ZNF704: variants seen among roughly 807,000 people sequenced by gnomAD.
The protein encoded by ZNF704 is glucocorticoid induced gene 1.
In ZNF704, 10 loss-of-function variants were observed where a neutral mutation model predicts 44.7. The ratio of observed to expected loss-of-function variants is 0.22; its 90% CI spans 0.14 to 0.38. The LOEUF is 0.38. Among genes scored for constraint, ZNF704 ranks in the 10% least tolerant of loss-of-function variants. The pLI, the probability that ZNF704 is intolerant of heterozygous loss-of-function variation, is 1.00. For synonymous variants in ZNF704, 211 were observed against 207.6 expected (o/e 1.02, Z -0.14); for missense variants, 390 against 545.5 (o/e 0.71, Z 2.84).
chr8:80,840,311 G>A (rs186245902), intron 1 of ZNF704, among the ~76,000 whole-genome samples: 2 of 150,758 alleles, frequency 1.3e-5, no homozygotes, highest in African/African-American at 4.9e-5. Flanking sequence ...AATTGTGTGC[G>A]TGTGTGTGTG....
At chr8:80,790,033 T>C (rs1241072461) in intron 2 of ZNF704, among the ~76,000 whole-genome samples, 2 of 152,122 alleles carry the variant, frequency 1.3e-5, no homozygotes, top group Non-Finnish European at 2.9e-5. Context: ...TGGGAAAAGA[T>C]TGGTGTGGAA....
intron 1 of ZNF704, among the ~76,000 whole-genome samples, chr8:80,841,535 A>C (rs549482019): frequency 6.6e-6 from 1 of 152,256 alleles, no homozygotes; most frequent in Admixed American, 6.5e-5. Flanking sequence ...TTCACTCTTA[A>C]CTTGTAAGAA....
At chr8:80,688,836 G>A (rs1406955080) in intron 3 of ZNF704, among the ~76,000 whole-genome samples, 1 of 152,008 alleles carries the variant, frequency 6.6e-6, no homozygotes, top group African/African-American at 2.4e-5. Flanking sequence ...GTGCGTGCCT[G>A]TAATCCCAGC....
intron 2 of ZNF704, among the ~76,000 whole-genome samples, chr8:80,802,494 A>T (rs2129799416): frequency 6.6e-6 from 1 of 152,324 alleles, no homozygotes; most frequent in Middle Eastern, 3.4e-3. Context: ...ATCCACCACA[A>T]TCAAGTTGGC....
chr8:80,823,997 T>C (rs1470784753), intron 1 of ZNF704, among the ~76,000 whole-genome samples: 1 of 152,086 alleles, frequency 6.6e-6, no homozygotes, highest in Non-Finnish European at 1.5e-5. Context: ...AGCTGAAAAT[T>C]CTAAAAATCA....
At chr8:80,727,078 A>G (rs987572522) in intron 2 of ZNF704, among the ~76,000 whole-genome samples, 2 of 152,200 alleles carry the variant, frequency 1.3e-5, no homozygotes, top group Non-Finnish European at 2.9e-5. Context: ...ACACAATTCC[A>G]TCATAATGAT....
Position 80,659,663 on chromosome 8 carries a change from T to A in ZNF704, c.954A>T (p.Gly318=). ...TGCCATTGGGGGTGAACTTGGCCGA[T>A]CCTGGAATGGTCACAGGGGGTGTGG... The part of the protein sequence containing the change: ...YQATPPVTIP[G]SAKFTPNGSS... The change falls in exon 7 of 9, where the codon GGA becomes GGT. Residue 318 remains glycine (G), a synonymous_variant. Coordinates refer to ENST00000327835, the MANE Select transcript of ZNF704 (RefSeq NM_001033723.3). The A allele has an allele frequency of 1.2e-6, 2 of 1,614,016 alleles. No homozygotes were observed. The highest frequency in any genetic ancestry group is 1.1e-5 in the South Asian group (1 of 91,070).
intron 2 of ZNF704, among the ~76,000 whole-genome samples, chr8:80,814,771 A>G (rs58120402): frequency 1.3e-5 from 2 of 152,152 alleles, no homozygotes; most frequent in Non-Finnish European, 2.9e-5. Context: ...CAGTAGTCTC[A>G]TACTGGTTAC....
upstream of ZNF704, among the ~76,000 whole-genome samples, chr8:80,878,276 G>T (rs184111454): frequency 6.7e-6 from 1 of 150,258 alleles, no homozygotes; most frequent in African/African-American, 2.5e-5. Flanking sequence ...AAGGAAGGAA[G>T]GAAGGAAGGA....
chr8:80,866,399 A>G (rs1230923149), intron 1 of ZNF704, among the ~76,000 whole-genome samples: 2 of 152,168 alleles, frequency 1.3e-5, no homozygotes, highest in Non-Finnish European at 2.9e-5. Context: ...GGGGCTCAAT[A>G]AATATCTCCT....
intron 2 of ZNF704, among the ~76,000 whole-genome samples, chr8:80,789,607 C>T (rs1291714194): frequency 6.6e-6 from 1 of 151,900 alleles, no homozygotes; most frequent in Non-Finnish European, 1.5e-5. Context: ...AAAAAATTGG[C>T]CAGGTATGCC....
At chr8:80,862,066 C>T (rs997988315) in intron 1 of ZNF704, among the ~76,000 whole-genome samples, 1 of 119,272 alleles carries the variant, frequency 8.4e-6, no homozygotes, top group Middle Eastern at 8.8e-3. Flanking sequence ...TGCAGTGGTG[C>T]GATCTTGGCT....
At chr8:80,696,243 A>T (rs1316027616) in intron 2 of ZNF704, among the ~76,000 whole-genome samples, 2 of 152,238 alleles carry the variant, frequency 1.3e-5, no homozygotes, top group Non-Finnish European at 1.5e-5. Flanking sequence ...TTGAATTTCA[A>T]TCTACAACTT....
chr8:80,685,358 T>G lies in ZNF704; in HGVS notation c.558+1868A>C, dbSNP rs377105121. Among the ~76,000 whole-genome samples, 30 of 152,206 alleles carry G rather than the reference T, an allele frequency of 2.0e-4. 1 individual carries two copies. The highest frequency in any genetic ancestry group is 3.4e-3 in the Middle Eastern group (1 of 294). On this transcript the variant is annotated intron_variant, in intron 4 of 8. Coordinates refer to ENST00000327835, the MANE Select transcript of ZNF704 (RefSeq NM_001033723.3). ...TTCATTAATGTGCCTTAAATAACATTGGGGTTCCCTGTACTGTGAGTCCTT... is the reference window on the plus strand; with the variant it reads ...TTCATTAATGTGCCTTAAATAACATGGGGGTTCCCTGTACTGTGAGTCCTT...
intron 4 of ZNF704, among the ~76,000 whole-genome samples, chr8:80,672,468 G>T (rs912515902): frequency 2.0e-5 from 3 of 152,176 alleles, no homozygotes. Flanking sequence ...CCATGTACTT[G>T]TATGTTCATC....
At chr8:80,702,676 A>C (rs964273245) in intron 2 of ZNF704, among the ~76,000 whole-genome samples, 1 of 152,132 alleles carries the variant, frequency 6.6e-6, no homozygotes, top group Non-Finnish European at 1.5e-5. Flanking sequence ...AGGACACAAA[A>C]GCGAAGGCGA....
intron 2 of ZNF704, among the ~76,000 whole-genome samples, chr8:80,771,511 A>C (rs1807319571): frequency 6.6e-6 from 1 of 152,192 alleles, no homozygotes; most frequent in African/African-American, 2.4e-5. Context: ...TTCATTGCTA[A>C]TATACAGAAA....
intron 2 of ZNF704, among the ~76,000 whole-genome samples, chr8:80,709,900 G>A (rs1385905436): frequency 1.3e-5 from 2 of 152,184 alleles, no homozygotes; most frequent in Non-Finnish European, 2.9e-5. Flanking sequence ...TAAGATATCA[G>A]GGGTGTACTT....
intron 6 of ZNF704, 103 bp downstream of exon 6, chr8:80,664,712 G>A: frequency 7.1e-7 from 1 of 1,411,976 alleles, no homozygotes; most frequent in African/African-American, 1.4e-5. Flanking sequence ...GCTGCCGTGT[G>A]TGATGCTGTT....
Sources: gnomAD v4.1 joint callset for allele counts (sites outside exome capture counted in the v4.1 genomes callset) on GRCh38, gnomAD v4.1.1 for gene constraint, MANE v1.5 for transcripts, NCBI Gene and HGNC (gene_info 2026-07-23, HGNC 2026-07-21) for gene names.